The following SCFD2 variants were observed in gnomAD, a reference collection of about 807,000 sequenced individuals.
The protein encoded by SCFD2 is sec1 family domain-containing protein 2.
SCFD2 carries 54 observed loss-of-function variants against 58.9 expected under a neutral mutation model. That is an observed-to-expected ratio of 0.92 (90% confidence interval 0.74 to 1.15). SCFD2 has a LOEUF of 1.15. SCFD2 is among the 50% of genes most tolerant of loss of function. The pLI is 0.00. For missense variants in SCFD2, 805 were observed against 836.6 expected (o/e 0.96, Z 0.47); for synonymous variants, 321 against 335.9 (o/e 0.96, Z 0.49).
At chr4:53,217,378 T>A (rs1202885409) in intron 4 of SCFD2, among the ~76,000 whole-genome samples, 2 of 152,242 alleles carry the variant, frequency 1.3e-5, no homozygotes, top group Admixed American at 1.3e-4. Flanking sequence ...TCTTGTTGAA[T>A]TGATCCCTTT....
At chr4:53,106,009 A>T (rs1724991243) in intron 5 of SCFD2, among the ~76,000 whole-genome samples, 1 of 152,118 alleles carries the variant, frequency 6.6e-6, no homozygotes. Context: ...ACAGGCAGTA[A>T]TCTTTGCTGT....
chr4:53,124,101 C>T (rs1378462167), intron 5 of SCFD2, among the ~76,000 whole-genome samples: 1 of 152,168 alleles, frequency 6.6e-6, no homozygotes, highest in East Asian at 1.9e-4. Context: ...CAATATATTG[C>T]TTTCCTGCTT....
chr4:53,031,990 G>T (rs1007895364), intron 5 of SCFD2, among the ~76,000 whole-genome samples: 5 of 152,172 alleles, frequency 3.3e-5, no homozygotes, highest in Admixed American at 2.0e-4. Context: ...GCAATCATCA[G>T]ATTCACCAAG....
intron 3 of SCFD2, among the ~76,000 whole-genome samples, chr4:53,308,307 G>A (rs2149106557): frequency 6.6e-6 from 1 of 152,256 alleles, no homozygotes; most frequent in East Asian, 1.9e-4. Flanking sequence ...TAAAAACAAA[G>A]ATGTGTGTGA....
At chr4:53,271,088 C>T (rs1731148222) in intron 4 of SCFD2, among the ~76,000 whole-genome samples, 1 of 152,014 alleles carries the variant, frequency 6.6e-6, no homozygotes, top group Non-Finnish European at 1.5e-5. Context: ...AAGAAATAAG[C>T]TCCTTTTTCT....
intron 5 of SCFD2, among the ~76,000 whole-genome samples, chr4:53,114,923 T>C (rs958388302): frequency 3.6e-4 from 54 of 152,072 alleles, no homozygotes; most frequent in African/African-American, 1.2e-3. Flanking sequence ...TGATTGTAAA[T>C]AGACCATGTT....
In SCFD2 at chr4:53,033,284, C is replaced by A. The variant is rs535463031; in HGVS notation, c.1561+112049G>T. ...TTTGAAACCACTGAGAAAGAAGACACAACATACCAGAATCTCTAGGACACA... is the reference window on the plus strand; with the variant it reads ...TTTGAAACCACTGAGAAAGAAGACAAAACATACCAGAATCTCTAGGACACA... On this transcript the variant is annotated intron_variant, in intron 5 of 8. Coordinates refer to ENST00000401642, the MANE Select transcript of SCFD2 (RefSeq NM_152540.4). 1.8e-4 allele frequency among the ~76,000 whole-genome samples: 27 copies of A among 151,902 alleles called. No individual in the cohort carries two copies. The South Asian group carries it at 5.5e-3, about 31-fold the overall frequency.
At chr4:53,303,958 G>T (rs1415902022) in intron 3 of SCFD2, among the ~76,000 whole-genome samples, 1 of 129,678 alleles carries the variant, frequency 7.7e-6, no homozygotes, top group Non-Finnish European at 1.6e-5. Flanking sequence ...GTTGTCGGGT[G>T]GGGGGAGGGG....
At chr4:53,238,781 C>T (rs1425254422) in intron 4 of SCFD2, among the ~76,000 whole-genome samples, 17 of 148,718 alleles carry the variant, frequency 1.1e-4, no homozygotes, top group African/African-American at 4.1e-4. Flanking sequence ...GGCAGAGACG[C>T]TCCTCACTTC....
chr4:53,119,938 G>T (rs1243463292), intron 5 of SCFD2, among the ~76,000 whole-genome samples: 1 of 152,174 alleles, frequency 6.6e-6, no homozygotes, highest in East Asian at 1.9e-4. Context: ...ACTGCAGGAA[G>T]ATAATTACCT....
At chr4:52,969,640 C>T (rs1481314790) in intron 5 of SCFD2, among the ~76,000 whole-genome samples, 1 of 152,174 alleles carries the variant, frequency 6.6e-6, no homozygotes, top group Non-Finnish European at 1.5e-5. Flanking sequence ...TTTCTCCTTC[C>T]TCTGCCTCAG....
chr4:53,282,635 A>G (rs1731540550), intron 3 of SCFD2, among the ~76,000 whole-genome samples: 1 of 152,180 alleles, frequency 6.6e-6, no homozygotes, highest in Admixed American at 6.5e-5. Flanking sequence ...CCAAATAAAA[A>G]AGATTTTATG....
chr4:53,257,468 T>C (rs1476092433), intron 4 of SCFD2, among the ~76,000 whole-genome samples: 1 of 152,138 alleles, frequency 6.6e-6, no homozygotes, highest in Non-Finnish European at 1.5e-5. Context: ...TCTTATTCCA[T>C]CATTCCAAAT....
intron 4 of SCFD2, among the ~76,000 whole-genome samples, chr4:53,181,652 C>T (rs1727560976): frequency 1.3e-5 from 2 of 152,084 alleles, no homozygotes; most frequent in Non-Finnish European, 2.9e-5. Context: ...GAAGTTCTGG[C>T]CAGGGCAATC....
At chr4:52,893,360 C>T (rs946085504) in intron 7 of SCFD2, among the ~76,000 whole-genome samples, 5 of 152,174 alleles carry the variant, frequency 3.3e-5, no homozygotes, top group Non-Finnish European at 7.3e-5. Flanking sequence ...AGCACTACTG[C>T]ACCCTGTCTT....
At chr4:52,982,497 GA>G (rs1272137403) in intron 5 of SCFD2, among the ~76,000 whole-genome samples, 3 of 152,162 alleles carry the variant, frequency 2.0e-5, no homozygotes, top group African/African-American at 7.2e-5. Flanking sequence ...ATCTTATGCA[GA>G]ATTTGTTACC....
intron 4 of SCFD2, among the ~76,000 whole-genome samples, chr4:53,162,175 T>G (rs1205803744): frequency 6.6e-6 from 1 of 152,156 alleles, no homozygotes; most frequent in Non-Finnish European, 1.5e-5. Context: ...CTTTTTTTTT[T>G]AGTCTGGCTA....
chr4:53,042,318 CT>C (rs1394163975), intron 5 of SCFD2, among the ~76,000 whole-genome samples: 1 of 151,814 alleles, frequency 6.6e-6, no homozygotes, highest in Non-Finnish European at 1.5e-5. Context: ...AAAGCTTCTT[CT>C]AAAAAATGTG....
intron 4 of SCFD2, among the ~76,000 whole-genome samples, chr4:53,199,822 G>T (rs530486548): frequency 2.0e-5 from 3 of 151,804 alleles, no homozygotes; most frequent in Admixed American, 6.6e-5. Flanking sequence ...TTAGAAGCTG[G>T]AAGTTTGACA....
Sources: gnomAD v4.1 joint callset for allele counts (sites outside exome capture counted in the v4.1 genomes callset) on GRCh38, gnomAD v4.1.1 for gene constraint, MANE v1.5 for transcripts, NCBI Gene and HGNC (gene_info 2026-07-23, HGNC 2026-07-21) for gene names.